Variants in PTPRM observed in about 807,000 individuals in gnomAD.
PTPRM encodes protein tyrosine phosphatase receptor type M.
PTPRM carries 47 observed loss-of-function variants against 186.7 expected under a neutral mutation model. The ratio of observed to expected loss-of-function variants is 0.25; its 90% CI spans 0.20 to 0.32. PTPRM has a LOEUF of 0.32. Among genes scored for constraint, PTPRM ranks in the 10% least tolerant of loss-of-function variants. PTPRM has a pLI of 1.00. For missense variants in PTPRM, 1,494 were observed against 1,865.0 expected, an observed-to-expected ratio of 0.80 and a Z score of 3.66; for synonymous variants, 668 against 674.9, an observed-to-expected ratio of 0.99 and a Z score of 0.16.
chr18:7,827,363 CT>C (rs2045540306), intron 2 of PTPRM, among the ~76,000 whole-genome samples: 1 of 152,082 alleles, frequency 6.6e-6, no homozygotes, highest in Non-Finnish European at 1.5e-5. Context: ...CCTTGTAGCC[CT>C]TCTGGATTTT....
At chr18:8,313,435 C>A (rs628683) in intron 20 of PTPRM, among the ~76,000 whole-genome samples, 52,684 of 151,988 alleles carry the variant, frequency 0.35, 9,473 homozygotes, top group African/African-American at 0.44. Context: ...CAAAAAACGA[C>A]AATGCACTTT....
chr18:7,918,295 G>GTT (rs34862396), intron 4 of PTPRM, among the ~76,000 whole-genome samples: 43,943 of 151,734 alleles, frequency 0.29, 6,750 homozygotes, highest in Middle Eastern at 0.44. Context: ...TCTATGTTTA[G>GTT]TTTTTGAGAA....
At chr18:8,172,915 A>G (rs1032692513) in intron 14 of PTPRM, among the ~76,000 whole-genome samples, 5 of 152,164 alleles carry the variant, frequency 3.3e-5, no homozygotes, top group East Asian at 1.9e-4. Context: ...GCATGAAACA[A>G]TGTTCACTGT....
intron 6 of PTPRM, among the ~76,000 whole-genome samples, chr18:7,954,888 G>T (rs2053212023): frequency 6.6e-6 from 1 of 151,946 alleles, no homozygotes; most frequent in African/African-American, 2.4e-5. Context: ...AACAAATTAG[G>T]GTTATGCCTA....
At chr18:7,743,090 T>G (rs993095973) in intron 1 of PTPRM, among the ~76,000 whole-genome samples, 1 of 152,172 alleles carries the variant, frequency 6.6e-6, no homozygotes, top group Non-Finnish European at 1.5e-5. Context: ...TTGGGCTGAA[T>G]CCATTAAAGT....
At chr18:7,878,778 C>G (rs1208195827) in intron 2 of PTPRM, among the ~76,000 whole-genome samples, 1 of 151,958 alleles carries the variant, frequency 6.6e-6, no homozygotes, top group Non-Finnish European at 1.5e-5. Context: ...TGAATCAACA[C>G]TAATTTAGGG....
chr18:7,573,216 T>C (rs1001352501), intron 1 of PTPRM, among the ~76,000 whole-genome samples: 1 of 152,030 alleles, frequency 6.6e-6, no homozygotes, highest in African/African-American at 2.4e-5. Context: ...CAAGGGAGGG[T>C]CACTCCCCTT....
intron 6 of PTPRM, 125 bp downstream of exon 6, chr18:7,949,480 G>C (rs1463114907): frequency 3.7e-6 from 3 of 807,578 alleles, no homozygotes; most frequent in East Asian, 2.9e-5. Context: ...TTGATGACAG[G>C]CTATTTTGAT....
chr18:7,925,206 C>T (rs776603025), intron 4 of PTPRM, among the ~76,000 whole-genome samples: 2 of 152,026 alleles, frequency 1.3e-5, no homozygotes, highest in Non-Finnish European at 2.9e-5. Flanking sequence ...TATTCTTGAG[C>T]AAGGGGTAAT....
intron 14 of PTPRM, chr18:8,154,821 A>G (rs1258820659): frequency 1.3e-5 from 2 of 152,212 alleles, no homozygotes; most frequent in African/African-American, 4.8e-5. Context: ...GCAACAACTA[A>G]TTTTTTGTTC....
chr18:8,118,182 A>G (rs2092028165), intron 13 of PTPRM, among the ~76,000 whole-genome samples: 3 of 152,234 alleles, frequency 2.0e-5, no homozygotes. Context: ...TAAAGTATGC[A>G]CATTATATTA....
rs117254727 is a variant in PTPRM at position 7,626,920 on chromosome 18, C to T, written c.73+59029C>T. Among the ~76,000 whole-genome samples, 39 of 152,170 alleles carry T rather than the reference C, an allele frequency of 2.6e-4. No homozygotes were observed. In the East Asian group the frequency reaches 6.2e-3, roughly 24 times the overall value. ...CTCGCTCTGTTGCTGGGGCTGGAGT[C>T]GGGAGATTTTTGACACAATTCCGTG... is the stretch of plus-strand genomic sequence containing the variant. On this transcript the variant is annotated intron_variant, in intron 1 of 32. Transcript: ENST00000580170.
At chr18:7,598,003 T>C (rs1001828451) in intron 1 of PTPRM, among the ~76,000 whole-genome samples, 1 of 152,194 alleles carries the variant, frequency 6.6e-6, no homozygotes, top group Non-Finnish European at 1.5e-5. Flanking sequence ...AAAAATGGGA[T>C]ATTTTGCCTT....
intron 23 of PTPRM, chr18:8,365,865 C>T (rs757695605): frequency 6.6e-6 from 1 of 152,240 alleles, no homozygotes; most frequent in African/African-American, 2.4e-5. Context: ...ACTTAATAGT[C>T]GGAATTTTCA....
chr18:8,140,749 A>G (rs1250924480), intron 13 of PTPRM, among the ~76,000 whole-genome samples: 1 of 152,186 alleles, frequency 6.6e-6, no homozygotes, highest in Non-Finnish European at 1.5e-5. Flanking sequence ...AAAAGGAACT[A>G]AATGCACACT....
At chr18:7,726,481 A>G (rs1409662104) in intron 1 of PTPRM, among the ~76,000 whole-genome samples, 1 of 152,188 alleles carries the variant, frequency 6.6e-6, no homozygotes. Flanking sequence ...AAGCTCTCAT[A>G]GAAGGATTAC....
intron 14 of PTPRM, among the ~76,000 whole-genome samples, chr18:8,150,017 C>T (rs113496629): frequency 0.015 from 2,223 of 152,318 alleles, 31 homozygotes; most frequent in Middle Eastern, 0.082. Flanking sequence ...GAGATATTTA[C>T]TGTTAGTCTG....
At chr18:8,222,819 G>C (rs1044114740) in intron 14 of PTPRM, among the ~76,000 whole-genome samples, 12 of 152,196 alleles carry the variant, frequency 7.9e-5, no homozygotes, top group Non-Finnish European at 1.2e-4. Flanking sequence ...ACTGGGCATG[G>C]TGGTTTGCAC....
intron 19 of PTPRM, among the ~76,000 whole-genome samples, chr18:8,281,659 C>T (rs2094905582): frequency 6.6e-6 from 1 of 152,080 alleles, no homozygotes; most frequent in South Asian, 2.1e-4. Flanking sequence ...AAATGAGTGC[C>T]ACCTCCCTGT....
Sources: allele counts gnomAD v4.1 joint callset (sites outside exome capture counted in the v4.1 genomes callset), GRCh38; gene constraint gnomAD v4.1.1; transcripts MANE v1.5; gene names NCBI Gene and HGNC (gene_info 2026-07-23, HGNC 2026-07-21).